Variants in PTPRD observed in about 807,000 individuals in gnomAD.
PTPRD encodes protein tyrosine phosphatase receptor type D.
Under a neutral mutation model 214.5 loss-of-function variants are expected in PTPRD, and 34 were observed. That is an observed-to-expected ratio of 0.16 (90% CI 0.12 to 0.21). The LOEUF (loss-of-function observed/expected upper bound fraction) is 0.21. Ranked by LOEUF, PTPRD falls within the 10% of genes least tolerant of loss-of-function variation. The pLI is 1.00. For synonymous variants in PTPRD, 1,128 were observed against 845.7 expected, an observed-to-expected ratio of 1.33 and a Z score of -5.79; for missense variants, 2,545 against 2,398.7, an observed-to-expected ratio of 1.06 and a Z score of -1.27.
At chr9:8,566,143 T>C (rs936305763) in intron 14 of PTPRD, among the ~76,000 whole-genome samples, 12 of 151,626 alleles carry the variant, frequency 7.9e-5, no homozygotes, top group Non-Finnish European at 1.3e-4. Flanking sequence ...TGTGTGTGTA[T>C]AGCAAGTTTC....
intron 7 of PTPRD, among the ~76,000 whole-genome samples, chr9:9,719,491 C>G (rs2097896783): frequency 6.6e-6 from 1 of 152,156 alleles, no homozygotes; most frequent in Non-Finnish European, 1.5e-5. Flanking sequence ...GCTTTAACGT[C>G]ATAGCCCTCC....
At chr9:8,772,843 A>G (rs1414527352) in intron 11 of PTPRD, among the ~76,000 whole-genome samples, 1 of 151,828 alleles carries the variant, frequency 6.6e-6, no homozygotes, top group African/African-American at 2.4e-5. Context: ...GGTGCTAGAT[A>G]TTTTTGTGTC....
intron 8 of PTPRD, among the ~76,000 whole-genome samples, chr9:9,415,724 A>G (rs892444811): frequency 1.3e-5 from 2 of 152,204 alleles, no homozygotes; most frequent in East Asian, 1.9e-4. Context: ...AAAGTACTCA[A>G]GTAGTTCTCA....
At chr9:9,195,648 G>C (rs897397630) in intron 9 of PTPRD, among the ~76,000 whole-genome samples, 13 of 151,488 alleles carry the variant, frequency 8.6e-5, no homozygotes, top group African/African-American at 2.7e-4. Flanking sequence ...GCTTCCCACA[G>C]AGTCTGTGGT....
intron 8 of PTPRD, among the ~76,000 whole-genome samples, chr9:9,567,474 A>G (rs1274698493): frequency 2.0e-5 from 3 of 152,008 alleles, no homozygotes; most frequent in African/African-American, 7.2e-5. Flanking sequence ...TGTGGATGTA[A>G]ACAATAACAA....
intron 8 of PTPRD, among the ~76,000 whole-genome samples, chr9:9,406,845 TTC>T (rs112455325): frequency 5.4e-5 from 2 of 36,960 alleles, no homozygotes; most frequent in South Asian, 1.6e-3. Flanking sequence ...TCTTTCTTCT[TTC>T]TTTTTTTTTT....
chr9:8,838,388 T>G (rs1159737868), intron 11 of PTPRD, among the ~76,000 whole-genome samples: 2 of 152,190 alleles, frequency 1.3e-5, no homozygotes, highest in Non-Finnish European at 2.9e-5. Flanking sequence ...ACTAGATGAT[T>G]TAAAGGGAAA....
chr9:10,357,751 A>G (rs1253741119), intron 2 of PTPRD, among the ~76,000 whole-genome samples: 3 of 152,170 alleles, frequency 2.0e-5, no homozygotes, highest in South Asian at 4.1e-4. Context: ...ATTTAAAAAC[A>G]ACGACTATGC....
At chr9:9,015,305 G>A (rs1359306027) in intron 11 of PTPRD, among the ~76,000 whole-genome samples, 1 of 152,082 alleles carries the variant, frequency 6.6e-6, no homozygotes, top group African/African-American at 2.4e-5. Flanking sequence ...TAAAGACGTT[G>A]CTGATAAAAT....
intron 5 of PTPRD, among the ~76,000 whole-genome samples, chr9:9,906,026 C>G (rs1442213009): frequency 6.6e-6 from 1 of 151,848 alleles, no homozygotes; most frequent in Non-Finnish European, 1.5e-5. Flanking sequence ...TGAAGTACAG[C>G]TGAGAAGCAT....
chr9:9,644,775 T>A (rs1423090361), intron 7 of PTPRD, among the ~76,000 whole-genome samples: 2 of 152,052 alleles, frequency 1.3e-5, no homozygotes, highest in Non-Finnish European at 2.9e-5. Flanking sequence ...CAAACCCCAC[T>A]GGCAGAGGAG....
chr9:10,538,732 A>T (rs1223626163), intron 2 of PTPRD, among the ~76,000 whole-genome samples: 1 of 152,154 alleles, frequency 6.6e-6, no homozygotes, highest in Non-Finnish European at 1.5e-5. Context: ...AAATCATATA[A>T]AGGACTTGAG....
Position 8,332,152 on chromosome 9 carries a change from A to ATTACTTTG in PTPRD, c.5380-424_5380-417dup, listed in dbSNP as rs551656523. Among the ~76,000 whole-genome samples, 13 of 152,278 alleles carry ATTACTTTG rather than the reference A, an allele frequency of 8.5e-5. No homozygotes were observed. The South Asian group carries it at 2.7e-3, about 32-fold the overall frequency. On this transcript the variant is annotated intron_variant, in intron 43 of 45. Coordinates refer to ENST00000381196, the MANE Select transcript of PTPRD (RefSeq NM_002839.4). ...TCCATTTCAAAAATTTCAGAAACTA[A>ATTACTTTG]TTACTTTGTAATAAATATTGAAACA...
At chr9:9,611,546 G>T (rs980928038) in intron 7 of PTPRD, among the ~76,000 whole-genome samples, 3 of 151,912 alleles carry the variant, frequency 2.0e-5, no homozygotes, top group Admixed American at 2.0e-4. Context: ...ACATTTGGAT[G>T]TATCTAATCT....
intron 10 of PTPRD, among the ~76,000 whole-genome samples, chr9:9,131,061 A>G (rs1367929683): frequency 6.6e-6 from 1 of 152,148 alleles, no homozygotes; most frequent in Non-Finnish European, 1.5e-5. Flanking sequence ...AGGATGGAAA[A>G]GTCTGAAAAA....
chr9:10,272,151 C>T (rs1225453410), intron 3 of PTPRD, among the ~76,000 whole-genome samples: 1 of 152,252 alleles, frequency 6.6e-6, no homozygotes, highest in African/African-American at 2.4e-5. Context: ...CTATGTATCT[C>T]TCTATATCTA....
chr9:9,118,206 A>G (rs569025507), intron 10 of PTPRD, among the ~76,000 whole-genome samples: 120 of 152,346 alleles, frequency 7.9e-4, no homozygotes, highest in African/African-American at 2.8e-3. Context: ...AAGTATTTAA[A>G]TATGCTTTTA....
intron 11 of PTPRD, among the ~76,000 whole-genome samples, chr9:8,736,190 G>A (rs1427607156): frequency 1.3e-5 from 2 of 152,122 alleles, no homozygotes; most frequent in East Asian, 1.9e-4. Flanking sequence ...ATTAGGAAGG[G>A]AGGCAATGAC....
intron 14 of PTPRD, among the ~76,000 whole-genome samples, chr9:8,620,163 A>AT (rs1281311494): frequency 6.6e-6 from 1 of 152,000 alleles, no homozygotes; most frequent in African/African-American, 2.4e-5. Flanking sequence ...ATTCTCTAGG[A>AT]TTTTTTTCCT....
Sources: allele counts gnomAD v4.1 joint callset (sites outside exome capture counted in the v4.1 genomes callset), GRCh38; gene constraint gnomAD v4.1.1; transcripts MANE v1.5; gene names NCBI Gene and HGNC (gene_info 2026-07-23, HGNC 2026-07-21).